The following STAU2 variants were observed in gnomAD, a reference collection of about 807,000 sequenced individuals.
STAU2 encodes the protein double-stranded RNA-binding protein Staufen homolog 2.
A neutral mutation model predicts 65.9 loss-of-function variants in STAU2; 20 were observed. The observed-to-expected ratio is 0.30, with a 90% CI of 0.21 to 0.44. The LOEUF (loss-of-function observed/expected upper bound fraction) is 0.44. STAU2 is among the 20% of genes least tolerant of loss of function. The probability of loss-of-function intolerance (pLI) is 1.00; values close to 1 mark genes in which losing one functional copy is unlikely to be tolerated. For synonymous variants in STAU2, 232 were observed against 233.9 expected (o/e 0.99, Z 0.07); for missense variants, 558 against 683.9 (o/e 0.82, Z 2.05).
At chr8:73,478,709 G>A (rs1820449135) in intron 13 of STAU2, among the ~76,000 whole-genome samples, 1 of 152,052 alleles carries the variant, frequency 6.6e-6, no homozygotes, top group African/African-American at 2.4e-5. Context: ...CTCAATATAT[G>A]CATTTTGCAT....
intron 13 of STAU2, among the ~76,000 whole-genome samples, chr8:73,470,544 T>G (rs1412322532): frequency 6.6e-6 from 1 of 152,136 alleles, no homozygotes; most frequent in Admixed American, 6.5e-5. Flanking sequence ...TCGCCTGTAA[T>G]CCCAACAATT....
At chr8:73,431,435 T>G (rs943026036) in intron 13 of STAU2, among the ~76,000 whole-genome samples, 3 of 152,212 alleles carry the variant, frequency 2.0e-5, no homozygotes, top group Non-Finnish European at 4.4e-5. Flanking sequence ...AAAGAAGCAT[T>G]TTAGAGAAGT....
At chr8:73,621,699 C>T (rs998871481) in intron 6 of STAU2, among the ~76,000 whole-genome samples, 3 of 152,132 alleles carry the variant, frequency 2.0e-5, no homozygotes, top group Non-Finnish European at 4.4e-5. Context: ...TTTGAAAGAT[C>T]CTACTTTCAT....
intron 13 of STAU2, among the ~76,000 whole-genome samples, chr8:73,465,695 T>C (rs542857525): frequency 6.6e-6 from 1 of 152,376 alleles, no homozygotes; most frequent in East Asian, 1.9e-4. Flanking sequence ...TTTAACTGTG[T>C]GTGCTCACTG....
At chr8:73,495,914 A>C (rs1184506995) in intron 13 of STAU2, among the ~76,000 whole-genome samples, 1 of 151,428 alleles carries the variant, frequency 6.6e-6, no homozygotes, top group Non-Finnish European at 1.5e-5. Context: ...ACATATATGT[A>C]CACACACAAA....
chr8:73,448,877 T>A (rs1818629420), intron 13 of STAU2, among the ~76,000 whole-genome samples: 1 of 152,208 alleles, frequency 6.6e-6, no homozygotes, highest in Admixed American at 6.5e-5. Context: ...CCGTGGGCGC[T>A]AGGGGCCAGT....
At chr8:73,533,886 C>T (rs1806003943) in intron 13 of STAU2, among the ~76,000 whole-genome samples, 1 of 152,120 alleles carries the variant, frequency 6.6e-6, no homozygotes, top group South Asian at 2.1e-4. Context: ...AAACTACTTC[C>T]TGCAGAGCTA....
intron 3 of STAU2, among the ~76,000 whole-genome samples, chr8:73,714,280 C>T (rs1023744271): frequency 6.6e-6 from 1 of 152,142 alleles, no homozygotes; most frequent in African/African-American, 2.4e-5. Context: ...ATCCTAATTC[C>T]CAAGTAAAAT....
chr8:73,524,766 T>C (rs924069033), intron 13 of STAU2, among the ~76,000 whole-genome samples: 5 of 152,172 alleles, frequency 3.3e-5, no homozygotes, highest in Admixed American at 6.5e-5. Context: ...GAATAGAAAC[T>C]TTAAAAAAAT....
intron 13 of STAU2, among the ~76,000 whole-genome samples, chr8:73,454,947 C>T (rs6472775): frequency 0.34 from 50,937 of 151,824 alleles, 9,664 homozygotes; most frequent in Non-Finnish European, 0.42. Context: ...AGTGGTCCTC[C>T]CACCACTAGG....
In STAU2 at chr8:73,636,978, A is replaced by G. The variant is rs188589592; in HGVS notation, c.411-19527T>C. Among the ~76,000 whole-genome samples the G allele has an allele frequency of 1.1e-3, 157 of 144,756 alleles. 1 individual carries two copies. The East Asian group carries it at 0.028, about 26-fold the overall frequency. 95.0% of individuals were successfully genotyped at this position (144,756 alleles called of 152,430 possible). A position where few individuals can be genotyped will look rare whatever the true frequency, so the allele number is the denominator to read the frequency against. ...ATTTCAGCAGAGAACAGTAATTATA[A>G]AAAGTAGCCAAACAAATTCTAGAAT... On this transcript the variant is annotated intron_variant, in intron 6 of 14. Coordinates refer to ENST00000524300, the MANE Select transcript of STAU2 (RefSeq NM_001164380.2).
intron 13 of STAU2, among the ~76,000 whole-genome samples, chr8:73,449,812 G>C (rs1818694978): frequency 6.6e-6 from 1 of 152,174 alleles, no homozygotes; most frequent in African/African-American, 2.4e-5. Context: ...CTTAGGGTGG[G>C]GGTGAGGCGG....
intron 13 of STAU2, among the ~76,000 whole-genome samples, chr8:73,442,860 C>A (rs1434875140): frequency 6.6e-6 from 1 of 152,188 alleles, no homozygotes; most frequent in Non-Finnish European, 1.5e-5. Flanking sequence ...AGGGTACATT[C>A]CCTTTCAAAA....
At chr8:73,587,740 C>T (rs914974828) in intron 11 of STAU2, among the ~76,000 whole-genome samples, 1 of 152,086 alleles carries the variant, frequency 6.6e-6, no homozygotes, top group African/African-American at 2.4e-5. Flanking sequence ...GCACAAACTA[C>T]CCATAGTGGT....
intron 13 of STAU2, among the ~76,000 whole-genome samples, chr8:73,470,612 A>G (rs1228039781): frequency 6.6e-6 from 1 of 152,092 alleles, no homozygotes; most frequent in Non-Finnish European, 1.5e-5. Flanking sequence ...AGCCTGGGCA[A>G]CACAGCGAGA....
intron 13 of STAU2, among the ~76,000 whole-genome samples, chr8:73,438,781 T>G: frequency 6.6e-6 from 1 of 152,208 alleles, no homozygotes; most frequent in East Asian, 1.9e-4. Context: ...TACTCAGGGT[T>G]AGGCCCGCTA....
intron 13 of STAU2, among the ~76,000 whole-genome samples, chr8:73,546,123 C>CTTTTTTTT (rs71561528): frequency 9.4e-4 from 88 of 93,304 alleles, no homozygotes; most frequent in Non-Finnish European, 1.3e-3. Flanking sequence ...GTTTGGTTTT[C>CTTTTTTTT]TTTTTTTTTT....
intron 13 of STAU2, among the ~76,000 whole-genome samples, chr8:73,481,519 A>C (rs925728434): frequency 3.8e-5 from 5 of 131,392 alleles, no homozygotes; most frequent in South Asian, 5.3e-4. Flanking sequence ...AAAAAAACAA[A>C]AAAAAAAAAC....
chr8:73,735,623 C>T (rs1806379316), intron 3 of STAU2, among the ~76,000 whole-genome samples: 1 of 152,084 alleles, frequency 6.6e-6, no homozygotes, highest in South Asian at 2.1e-4. Flanking sequence ...ATCTGAAATC[C>T]AAAACACTTC....
Sources: allele counts gnomAD v4.1 joint callset (sites outside exome capture counted in the v4.1 genomes callset), GRCh38; gene constraint gnomAD v4.1.1; transcripts MANE v1.5; gene names NCBI Gene and HGNC (gene_info 2026-07-23, HGNC 2026-07-21).